SLC35F2: variants seen among roughly 807,000 people sequenced by gnomAD.
SLC35F2 encodes the protein solute carrier family 35 member F2.
Under a neutral mutation model 38.1 loss-of-function variants are expected in SLC35F2, and 25 were observed. The observed-to-expected ratio is 0.66, with a 90% confidence interval of 0.48 to 0.92. The LOEUF is 0.92. Among genes scored for constraint, SLC35F2 ranks in the 40% least tolerant of loss-of-function variants. The pLI, the probability that SLC35F2 is intolerant of heterozygous loss-of-function variation, is 0.00. For missense variants in SLC35F2, 409 were observed against 452.9 expected (o/e 0.90, Z 0.88); for synonymous variants, 173 against 181.7 (o/e 0.95, Z 0.38).
At position 107,804,990 on chromosome 11, in the gene SLC35F2, T is replaced by C. The variant is rs147284887; in HGVS notation, c.732-220A>G. On this transcript the variant is annotated intron_variant, in intron 5 of 7. Transcript: ENST00000525815. ...CTCCCTTACAGGTGCTCTGAAATAA[T>C]AGTCAAGTATAGGAGGAAAATATGA... 4,571 of 952,298 alleles carry C rather than the reference T, an allele frequency of 4.8e-3. 11 individuals carry two copies. Among genetic ancestry groups the C allele is most frequent in the Non-Finnish European group, 5.4e-3 (4,303 of 799,708 alleles). 59.0% of individuals were successfully genotyped at this position (952,298 alleles called of 1,614,324 possible). A position where few individuals can be genotyped will look rare whatever the true frequency, so the allele number is the denominator to read the frequency against.
chr11:107,856,913 G>A (rs71464786), intron 1 of SLC35F2, among the ~76,000 whole-genome samples: 17 of 39,946 alleles, frequency 4.3e-4, no homozygotes, highest in African/African-American at 1.2e-3. Flanking sequence ...GGAAGGGAGG[G>A]AGGGAGGGAG....
intron 2 of SLC35F2, 86 bp from the exon 3 acceptor site, chr11:107,811,880 A>T (rs1255161961): frequency 8.7e-6 from 11 of 1,267,428 alleles, no homozygotes; most frequent in Non-Finnish European, 1.2e-5. Flanking sequence ...TAGAAGCAAG[A>T]GTTTCTTGTT....
At chr11:107,817,209 G>C (rs1353406311) in intron 1 of SLC35F2, among the ~76,000 whole-genome samples, 3 of 152,070 alleles carry the variant, frequency 2.0e-5, no homozygotes, top group African/African-American at 7.2e-5. Flanking sequence ...ACAGGAAGCG[G>C]AGGTTGCAGT....
intron 1 of SLC35F2, among the ~76,000 whole-genome samples, chr11:107,829,921 T>A (rs12099368): frequency 0.058 from 8,769 of 152,202 alleles, 521 homozygotes; most frequent in African/African-American, 0.15. Flanking sequence ...TTCGTATGGC[T>A]ACTATAGCTA....
Position 107,843,861 on chromosome 11 carries a change from AAAAAAAAATATATATATATATATAT to A in SLC35F2, c.110+14772_110+14796del, listed in dbSNP as rs1311173103. ...CTCTGTATCTTAAAAAAAAAAAAAA[AAAAAAAAATATATATATATATATAT>A]ATATATATATATATATATATATGTA... On this transcript the variant is annotated intron_variant, in intron 1 of 7. Transcript: ENST00000525815. Among the ~76,000 whole-genome samples the A allele has an allele frequency of 2.5e-3, 95 of 38,276 alleles. 4 individuals carry two copies. Among genetic ancestry groups the A allele is most frequent in the African/African-American group, 7.1e-3 (85 of 12,050 alleles). The allele number at this position is 38,276 out of a possible 152,430, so 25.1% of individuals were successfully genotyped here. A position where few individuals can be genotyped will look rare whatever the true frequency, so the allele number is the denominator to read the frequency against.
chr11:107,844,064 C>A (rs1348659283), intron 1 of SLC35F2, among the ~76,000 whole-genome samples: 1 of 151,640 alleles, frequency 6.6e-6, no homozygotes, highest in Non-Finnish European at 1.5e-5. Flanking sequence ...CTTTGCCATC[C>A]CTAGAGATAC....
At chr11:107,841,495 G>A (rs550179300) in intron 1 of SLC35F2, among the ~76,000 whole-genome samples, 8 of 150,770 alleles carry the variant, frequency 5.3e-5, no homozygotes, top group Middle Eastern at 3.5e-3. Flanking sequence ...TCCAGGAGGC[G>A]GAGGCCACAG....
At chr11:107,808,252 C>G (rs1859428290) in intron 3 of SLC35F2, among the ~76,000 whole-genome samples, 1 of 152,094 alleles carries the variant, frequency 6.6e-6, no homozygotes, top group Non-Finnish European at 1.5e-5. Context: ...GATACTGGGT[C>G]CAGAAAACAC....
intron 6 of SLC35F2, chr11:107,803,431 C>CTCT: frequency 1.0e-6 from 1 of 985,014 alleles, no homozygotes; most frequent in Non-Finnish European, 1.2e-6. Flanking sequence ...CAGTCCATTG[C>CTCT]TCTTAATCAC....
chr11:107,834,270 AAATTTAAAGTAGC>A (rs1204622909), intron 1 of SLC35F2, among the ~76,000 whole-genome samples: 1 of 152,212 alleles, frequency 6.6e-6, no homozygotes. Context: ...CAAACAGGGA[AAATTTAAAGTAGC>A]GAGTTAGAGT....
chr11:107,845,030 A>G (rs908784634), intron 1 of SLC35F2, among the ~76,000 whole-genome samples: 4 of 151,956 alleles, frequency 2.6e-5, no homozygotes, highest in Admixed American at 2.0e-4. Context: ...GAGATCCCAG[A>G]ATAGTGTGGT....
At chr11:107,847,356 C>T (rs1317782869) in intron 1 of SLC35F2, among the ~76,000 whole-genome samples, 1 of 152,200 alleles carries the variant, frequency 6.6e-6, no homozygotes, top group African/African-American at 2.4e-5. Flanking sequence ...CAGTCTACTA[C>T]AGCTTTTTCA....
intron 1 of SLC35F2, among the ~76,000 whole-genome samples, chr11:107,818,040 G>A (rs1479925375): frequency 8.6e-6 from 1 of 116,378 alleles, no homozygotes; most frequent in Non-Finnish European, 1.6e-5. Flanking sequence ...CTGAGTGACA[G>A]AGCAAGACTC....
chr11:107,832,015 G>C (rs566226785), intron 1 of SLC35F2, among the ~76,000 whole-genome samples: 1 of 152,042 alleles, frequency 6.6e-6, no homozygotes. Flanking sequence ...CTTATGGAGC[G>C]GGACATTTCT....
At chr11:107,828,851 A>G (rs1270852221) in intron 1 of SLC35F2, among the ~76,000 whole-genome samples, 1 of 152,194 alleles carries the variant, frequency 6.6e-6, no homozygotes, top group Non-Finnish European at 1.5e-5. Flanking sequence ...TCATGCCTGT[A>G]ATCCCAGCAC....
At chr11:107,820,117 G>A (rs1859644209) in intron 1 of SLC35F2, among the ~76,000 whole-genome samples, 1 of 151,500 alleles carries the variant, frequency 6.6e-6, no homozygotes, top group Non-Finnish European at 1.5e-5. Context: ...TTAGCTGGGT[G>A]TGGTGGTACA....
chr11:107,797,094 CAA>C (rs987368421), intron 7 of SLC35F2, among the ~76,000 whole-genome samples: 33 of 152,160 alleles, frequency 2.2e-4, no homozygotes, highest in African/African-American at 7.7e-4. Flanking sequence ...ATGGACGTCT[CAA>C]ATACTCTGAC....
intron 1 of SLC35F2, among the ~76,000 whole-genome samples, chr11:107,822,035 C>G (rs1192655510): frequency 6.6e-6 from 1 of 152,166 alleles, no homozygotes; most frequent in Non-Finnish European, 1.5e-5. Context: ...GTCAGGAGTT[C>G]AAGACCAGCC....
At chr11:107,842,257 C>CGAAAAAA (rs1860023743) in intron 1 of SLC35F2, among the ~76,000 whole-genome samples, 1 of 37,908 alleles carries the variant, frequency 2.6e-5, no homozygotes, top group East Asian at 1.0e-3. Flanking sequence ...CTCCGTCTCA[C>CGAAAAAA]AAAAAAAAAA....
Sources: allele counts gnomAD v4.1 joint callset (sites outside exome capture counted in the v4.1 genomes callset), GRCh38; gene constraint gnomAD v4.1.1; transcripts MANE v1.5; gene names NCBI Gene and HGNC (gene_info 2026-07-23, HGNC 2026-07-21).